Variants in ITGA11 observed in about 807,000 individuals in gnomAD.
ITGA11 encodes the protein integrin subunit alpha 11.
In ITGA11, 97 loss-of-function variants were observed where a neutral mutation model predicts 141.9. The ratio of observed to expected loss-of-function variants is 0.68; its 90% CI spans 0.58 to 0.81. The LOEUF (loss-of-function observed/expected upper bound fraction) is 0.81, where lower values mean the gene tolerates loss of function less well. Ranked by LOEUF, ITGA11 falls within the 30% of genes least tolerant of loss-of-function variation. ITGA11 has a pLI of 0.00. For synonymous variants in ITGA11, 658 were observed against 624.6 expected (o/e 1.05, Z -0.80); for missense variants, 1,387 against 1,559.2 (o/e 0.89, Z 1.86).
At chr15:68,367,158 A>G (rs1295127516) in intron 3 of ITGA11, among the ~76,000 whole-genome samples, 2 of 152,036 alleles carry the variant, frequency 1.3e-5, no homozygotes, top group African/African-American at 4.8e-5. Flanking sequence ...CTTGTGCCCC[A>G]GCTCAGAAAT....
At chr15:68,315,835 G>A (rs1893554622) in intron 21 of ITGA11, 108 bp from the exon 22 acceptor site, 2 of 868,852 alleles carry the variant, frequency 2.3e-6, no homozygotes, top group Admixed American at 2.8e-5. Flanking sequence ...GGAGCTTGCT[G>A]GGGGTTGGGG....
Position 68,432,099 on chromosome 15 carries a change from A to C in ITGA11, c.-33T>G, listed in dbSNP as rs1256113384. The C allele has an allele frequency of 1.5e-6, 2 of 1,356,852 alleles. No individual in the cohort carries two copies. The highest frequency in any genetic ancestry group is 8.0e-5 in the Admixed American group (2 of 24,906). 84.1% of individuals were successfully genotyped at this position (1,356,852 alleles called of 1,614,324 possible). On this transcript the variant is annotated 5_prime_UTR_variant, in exon 1 of 30. Coordinates refer to ENST00000315757, the MANE Select transcript of ITGA11 (RefSeq NM_001004439.2). ...GGCACGGCGGCTGGGTCCGGTGTGC[A>C]GCGGCGGCGGGGGGCGGCAAGCCAG...
At chr15:68,382,725 T>C (rs1407543191) in intron 2 of ITGA11, among the ~76,000 whole-genome samples, 1 of 152,238 alleles carries the variant, frequency 6.6e-6, no homozygotes, top group Non-Finnish European at 1.5e-5. Flanking sequence ...AGTTTCCATT[T>C]TTCTTGATTG....
chr15:68,392,309 C>T (rs1027146930), intron 2 of ITGA11, among the ~76,000 whole-genome samples: 2 of 152,210 alleles, frequency 1.3e-5, no homozygotes, highest in African/African-American at 4.8e-5. Context: ...TATTTTCAGG[C>T]ACTGGACAGC....
chr15:68,385,827 C>T (rs961854025), intron 2 of ITGA11, among the ~76,000 whole-genome samples: 3 of 152,140 alleles, frequency 2.0e-5, no homozygotes, highest in Admixed American at 6.5e-5. Context: ...TACCTCTGGG[C>T]CTCAGTGCCC....
chr15:68,416,242 C>A (rs1314842938), intron 1 of ITGA11, among the ~76,000 whole-genome samples: 2 of 152,208 alleles, frequency 1.3e-5, no homozygotes, highest in African/African-American at 4.8e-5. Flanking sequence ...AGGAAGAATT[C>A]TCCAAATCAG....
intron 10 of ITGA11, among the ~76,000 whole-genome samples, chr15:68,346,263 G>A (rs1396174096): frequency 6.6e-6 from 1 of 152,154 alleles, no homozygotes; most frequent in Admixed American, 6.5e-5. Flanking sequence ...GAGCTCCTGG[G>A]TCTCCTCACT....
intron 7 of ITGA11, among the ~76,000 whole-genome samples, chr15:68,353,395 CAGG>C (rs137908183): frequency 4.6e-4 from 70 of 152,286 alleles, no homozygotes; most frequent in African/African-American, 1.6e-3. Flanking sequence ...AACCCAGTAG[CAGG>C]AGAACTCTGC....
chr15:68,299,836 A>G lies in ITGA11; in HGVS notation c.*3223T>C, dbSNP rs1567117396. The G allele has an allele frequency of 2.0e-5, 3 of 152,228 alleles. No homozygotes were observed. The highest frequency in any genetic ancestry group is 2.4e-5 in the African/African-American group (1 of 41,460). The allele number at this position is 152,228 out of a possible 1,614,324, so 9.4% of individuals were successfully genotyped here. The stretch of plus-strand genomic sequence containing the variant: ...CACTGTCTCCTAGAAGCTCTTCCAC[A>G]TGTCCCTAGGCAGAGCTATTCCATA... On this transcript the variant is annotated 3_prime_UTR_variant, in exon 30 of 30. Coordinates refer to ENST00000315757, the MANE Select transcript of ITGA11 (RefSeq NM_001004439.2).
Position 68,322,419 on chromosome 15 carries a change from T to C in ITGA11, c.2323-916A>G, listed in dbSNP as rs1050700714. On this transcript the variant is annotated intron_variant, in intron 18 of 29. Coordinates refer to ENST00000315757, the MANE Select transcript of ITGA11 (RefSeq NM_001004439.2). This position sits in a 1 kb window ranked among gnomAD's most constrained non-coding sequence, Gnocchi z 5.6. Reference sequence around the variant, plus strand: ...AGAGATGACGCTGGTGTCGGTGTGGTAGTGGGCATGAGAGGAGGAAATAGG... The same window carrying C: ...AGAGATGACGCTGGTGTCGGTGTGGCAGTGGGCATGAGAGGAGGAAATAGG... 2.0e-5 allele frequency among the ~76,000 whole-genome samples: 3 copies of C among 151,724 alleles called. No homozygotes were observed. Among genetic ancestry groups the C allele is most frequent in the African/African-American group, 7.3e-5 (3 of 41,272 alleles).
chr15:68,409,600 G>T (rs1269379668), intron 1 of ITGA11, among the ~76,000 whole-genome samples: 1 of 151,406 alleles, frequency 6.6e-6, no homozygotes, highest in Non-Finnish European at 1.5e-5. Flanking sequence ...CTGATAGGTA[G>T]TACTGATACT....
intron 1 of ITGA11, among the ~76,000 whole-genome samples, chr15:68,405,983 C>T (rs543299721): frequency 5.4e-4 from 82 of 152,182 alleles, no homozygotes; most frequent in Non-Finnish European, 1.1e-3. Context: ...TGCCTGGCTT[C>T]CTGGTGCCCA....
intron 2 of ITGA11, among the ~76,000 whole-genome samples, chr15:68,372,799 A>G (rs370751069): frequency 1.3e-5 from 2 of 152,094 alleles, no homozygotes; most frequent in African/African-American, 2.4e-5. Flanking sequence ...ACCCTCTCCA[A>G]CAAGGCTCTT....
chr15:68,342,274 C>T (rs549265637), intron 10 of ITGA11, among the ~76,000 whole-genome samples: 8 of 152,258 alleles, frequency 5.3e-5, no homozygotes, highest in Non-Finnish European at 1.2e-4. Context: ...AGGCCTCGCA[C>T]TGGCTTCCTG....
intron 2 of ITGA11, among the ~76,000 whole-genome samples, chr15:68,370,171 C>A (rs572761929): frequency 8.5e-5 from 13 of 152,080 alleles, no homozygotes; most frequent in Non-Finnish European, 1.6e-4. Context: ...TGAGGGAATG[C>A]GTTTCTGTTG....
intron 28 of ITGA11, among the ~76,000 whole-genome samples, chr15:68,306,941 C>A (rs1282065499): frequency 1.3e-5 from 2 of 152,104 alleles, no homozygotes; most frequent in Non-Finnish European, 2.9e-5. Context: ...CTTTTTTCTT[C>A]CTTTGCCACT....
intron 6 of ITGA11, 85 bp downstream of exon 6, chr15:68,358,373 A>G: frequency 2.8e-6 from 4 of 1,427,568 alleles, no homozygotes; most frequent in Non-Finnish European, 3.7e-6. Context: ...CGTGCATGCA[A>G]AGATCTCTCT....
At chr15:68,327,061 G>A (rs889361185) in intron 16 of ITGA11, among the ~76,000 whole-genome samples, 11 of 151,940 alleles carry the variant, frequency 7.2e-5, no homozygotes, top group Non-Finnish European at 1.3e-4. Flanking sequence ...CCGCAGATGA[G>A]GAGGGGAGAC....
chr15:68,395,910 A>G (rs1896226311), intron 2 of ITGA11, among the ~76,000 whole-genome samples: 3 of 151,322 alleles, frequency 2.0e-5, no homozygotes, highest in African/African-American at 4.9e-5. Context: ...CTATAATGAG[A>G]AATCTTCCCA....
Sources: allele counts gnomAD v4.1 joint callset (sites outside exome capture counted in the v4.1 genomes callset), GRCh38; gene constraint gnomAD v4.1.1; non-coding constraint Gnocchi (gnomAD v3.1); transcripts MANE v1.5; gene names NCBI Gene and HGNC (gene_info 2026-07-23, HGNC 2026-07-21).